Variants in POLQ observed in about 807,000 individuals in gnomAD.
The protein encoded by POLQ is epididymis secretory sperm binding protein.
In POLQ, 233 loss-of-function variants were observed where a neutral mutation model predicts 259.2. That is an observed-to-expected ratio of 0.90 (90% CI 0.81 to 1.00). The LOEUF (loss-of-function observed/expected upper bound fraction) is 1.00. POLQ is among the 50% of genes least tolerant of loss of function. The pLI is 0.00. For missense variants in POLQ, 2,871 were observed against 3,051.6 expected (o/e 0.94, Z 1.39); for synonymous variants, 1,025 against 1,048.8 (o/e 0.98, Z 0.44).
At chr3:121,445,224 C>T (rs967667702) in intron 26 of POLQ, among the ~76,000 whole-genome samples, 1 of 152,142 alleles carries the variant, frequency 6.6e-6, no homozygotes, top group African/African-American at 2.4e-5. Flanking sequence ...AGCAGGGAAG[C>T]CATTGAGTCC....
chr3:121,472,978 C>T (rs1475854377), intron 21 of POLQ, among the ~76,000 whole-genome samples: 2 of 152,168 alleles, frequency 1.3e-5, no homozygotes, highest in African/African-American at 4.8e-5. Context: ...AATCCCAGCA[C>T]GTTGGGAGGC....
Position 121,489,409 on chromosome 3 carries a change from T to A in POLQ, c.3522A>T (p.Gln1174His). The A allele has an allele frequency of 6.2e-7, 1 of 1,614,058 alleles. No homozygotes were observed. The highest frequency in any genetic ancestry group is 8.5e-7 in the Non-Finnish European group (1 of 1,180,012). ...EAEKINEVLI[Q>H]NGSKNQNVYM... ...AAACATTCTGGTTTTTTGAACCATT[T>A]TGTATCAGCACTTCATTTATTTTTT... is the stretch of plus-strand genomic sequence containing the variant. The change falls in exon 16 of 30, where the codon CAA becomes CAT. Residue 1174 changes from glutamine to histidine, a missense_variant. Gln to His is a conservative substitution (Grantham distance 24). Transcript: ENST00000264233.
At chr3:121,459,835 G>A (rs891650740) in intron 25 of POLQ, among the ~76,000 whole-genome samples, 1 of 152,052 alleles carries the variant, frequency 6.6e-6, no homozygotes, top group South Asian at 2.1e-4. Context: ...TTCCTGACAC[G>A]AAGTAGCCTC....
chr3:121,498,780 A>G, intron 12 of POLQ, 110 bp from the exon 13 acceptor site: 1 of 736,750 alleles, frequency 1.4e-6, no homozygotes, highest in South Asian at 2.1e-5. Flanking sequence ...ATGTGCCTGT[A>G]GTCCTAGCTA....
At chr3:121,459,387 T>TG (rs1553802676) in intron 25 of POLQ, among the ~76,000 whole-genome samples, 14 of 145,482 alleles carry the variant, frequency 9.6e-5, no homozygotes, top group Middle Eastern at 3.5e-3. Context: ...TTTTTTTTTT[T>TG]TTTTTGTTTT....
chr3:121,432,022 A>C lies in POLQ; in HGVS notation c.*282T>G. On this transcript the variant is annotated 3_prime_UTR_variant, in exon 30 of 30. Transcript: ENST00000264233. The stretch of plus-strand genomic sequence containing the variant: ...CATATTTCAAGCATCTGTTCTGAAT[A>C]TGTTTAAAGCCACAGTAAGTTACAA... 1 of 308,278 alleles carries C rather than the reference A, an allele frequency of 3.2e-6. No individual in the cohort carries two copies. The highest frequency in any genetic ancestry group is 5.9e-6 in the Non-Finnish European group (1 of 170,712). The allele number at this position is 308,278 out of a possible 1,614,324, so 19.1% of individuals were successfully genotyped here. A position where few individuals can be genotyped will look rare whatever the true frequency, so the allele number is the denominator to read the frequency against.
chr3:121,536,401 G>A (rs994175012), intron 5 of POLQ, among the ~76,000 whole-genome samples: 1 of 152,130 alleles, frequency 6.6e-6, no homozygotes, highest in Non-Finnish European at 1.5e-5. Flanking sequence ...GCCACAATTA[G>A]AGATGCTGCT....
intron 14 of POLQ, chr3:121,494,706 C>T (rs2108801197): frequency 1.3e-6 from 2 of 1,580,868 alleles, no homozygotes; most frequent in Admixed American, 1.7e-5. Context: ...AAGACCTGCA[C>T]CACTGTCGCC....
At chr3:121,486,153 A>G (rs574477136) in intron 16 of POLQ, among the ~76,000 whole-genome samples, 1 of 152,366 alleles carries the variant, frequency 6.6e-6, no homozygotes, top group Non-Finnish European at 1.5e-5. Context: ...CTCAAGATAA[A>G]TCTTGGAAAA....
chr3:121,452,278 G>T (rs776544070), intron 25 of POLQ, among the ~76,000 whole-genome samples: 8 of 152,056 alleles, frequency 5.3e-5, no homozygotes, highest in Admixed American at 2.0e-4. Context: ...ACGCTCGGTG[G>T]GCTGCACCCA....
At chr3:121,455,487 A>T (rs1425290229) in intron 25 of POLQ, among the ~76,000 whole-genome samples, 8 of 149,500 alleles carry the variant, frequency 5.4e-5, no homozygotes, top group Admixed American at 3.4e-4. Flanking sequence ...GACTGCTAGC[A>T]AGACTAATAA....
At chr3:121,455,789 A>G (rs1002096608) in intron 25 of POLQ, among the ~76,000 whole-genome samples, 8 of 152,212 alleles carry the variant, frequency 5.3e-5, no homozygotes, top group Admixed American at 3.3e-4. Context: ...ATTCACAGCC[A>G]AATTCTACCA....
chr3:121,445,935 C>A (rs981179300), intron 26 of POLQ, among the ~76,000 whole-genome samples: 1 of 149,836 alleles, frequency 6.7e-6, no homozygotes, highest in Non-Finnish European at 1.5e-5. Flanking sequence ...CAATTTCATT[C>A]TTTATTTCTG....
chr3:121,457,412 C>T (rs1356274790), intron 25 of POLQ, among the ~76,000 whole-genome samples: 2 of 152,172 alleles, frequency 1.3e-5, no homozygotes, highest in African/African-American at 4.8e-5. Flanking sequence ...CGAGCTTCTG[C>T]ACAGCAAAAG....
At position 121,511,956 on chromosome 3, in the gene POLQ, A is replaced by G; in HGVS notation, c.1542T>C (p.Pro514=). 6.2e-7 allele frequency: 1 copy of G among 1,613,722 alleles called. No individual in the cohort carries two copies. The part of the protein sequence containing the change: ...GIALLQGSLK[P]VRSCLQRREG... ...CTCGTCTTTGCAGACAGCTGCGAAC[A>G]GGCTTTAGAGAACCCTGAAGGAGAG... The change falls in exon 10 of 30, where the codon CCT becomes CCC. Residue 514 remains proline (P), a synonymous_variant. Transcript: ENST00000264233.
At chr3:121,463,934 A>C (rs74514712) in intron 24 of POLQ, among the ~76,000 whole-genome samples, 19 of 152,316 alleles carry the variant, frequency 1.2e-4, no homozygotes, top group Middle Eastern at 3.4e-3. Flanking sequence ...TCACCAACTT[A>C]AGAACTGTTG....
At chr3:121,496,742 A>C (rs150263627) in intron 14 of POLQ, 66 bp downstream of exon 14, 17,567 of 1,509,842 alleles carry the variant, frequency 0.012, 127 homozygotes, top group Non-Finnish European at 0.014. Flanking sequence ...TTTGAAAAAA[A>C]AAGTAATCTT....
chr3:121,451,476 T>G (rs1316449212), intron 25 of POLQ, among the ~76,000 whole-genome samples: 3 of 152,244 alleles, frequency 2.0e-5, no homozygotes, highest in Non-Finnish European at 4.4e-5. Context: ...GGTGTGGATG[T>G]CCTTTCTGTT....
chr3:121,434,253 T>C (rs1164040406), intron 28 of POLQ, among the ~76,000 whole-genome samples: 1 of 152,216 alleles, frequency 6.6e-6, no homozygotes, highest in African/African-American at 2.4e-5. Context: ...CTAGTGCTAC[T>C]TTAAGCTGGC....
Sources: allele counts gnomAD v4.1 joint callset (sites outside exome capture counted in the v4.1 genomes callset), GRCh38; gene constraint gnomAD v4.1.1; transcripts MANE v1.5; gene names NCBI Gene and HGNC (gene_info 2026-07-23, HGNC 2026-07-21).